The following LRP1B variants were observed in gnomAD, a reference collection of about 807,000 sequenced individuals.
LRP1B encodes the protein low-density lipoprotein receptor-related protein 1B.
A neutral mutation model predicts 556.6 loss-of-function variants in LRP1B; 217 were observed. The ratio of observed to expected loss-of-function variants is 0.39; its 90% confidence interval spans 0.35 to 0.44. LRP1B has a LOEUF of 0.44. LRP1B is among the 20% of genes least tolerant of loss of function. LRP1B has a pLI of 1.00. For missense variants in LRP1B, 5,053 were observed against 5,620.8 expected, an observed-to-expected ratio of 0.90 and a Z score of 3.23; for synonymous variants, 2,047 against 1,865.8, an observed-to-expected ratio of 1.10 and a Z score of -2.50.
intron 2 of LRP1B, among the ~76,000 whole-genome samples, chr2:141,519,390 TATATATATA>T (rs1684451011): frequency 3.8e-5 from 1 of 26,098 alleles, no homozygotes; most frequent in Non-Finnish European, 8.3e-5. Flanking sequence ...TATATATATA[TATATATATA>T]TATGAAATGC....
chr2:141,428,990 A>T (rs1354440288), intron 3 of LRP1B, among the ~76,000 whole-genome samples: 1 of 152,152 alleles, frequency 6.6e-6, no homozygotes, highest in African/African-American at 2.4e-5. Context: ...CTGATCAGGA[A>T]TCTCTCGGCA....
intron 3 of LRP1B, among the ~76,000 whole-genome samples, chr2:141,344,358 C>T (rs1220006464): frequency 1.3e-5 from 2 of 151,820 alleles, no homozygotes; most frequent in African/African-American, 4.8e-5. Flanking sequence ...CACTTTTATT[C>T]ACTTATCTGC....
intron 31 of LRP1B, among the ~76,000 whole-genome samples, chr2:140,816,313 T>C (rs1418460017): frequency 6.6e-6 from 1 of 152,140 alleles, no homozygotes; most frequent in African/African-American, 2.4e-5. Flanking sequence ...AGATGGGGTT[T>C]CACCATGTTG....
chr2:141,396,703 A>G (rs980525350), intron 3 of LRP1B, among the ~76,000 whole-genome samples: 5 of 152,204 alleles, frequency 3.3e-5, no homozygotes, highest in Non-Finnish European at 7.3e-5. Flanking sequence ...TAGGGGAAAA[A>G]CTAGGCATAT....
At chr2:141,418,379 A>C (rs1420429941) in intron 3 of LRP1B, among the ~76,000 whole-genome samples, 1 of 151,578 alleles carries the variant, frequency 6.6e-6, no homozygotes, top group Non-Finnish European at 1.5e-5. Context: ...CTTACATTTA[A>C]GTCTTTCATC....
chr2:141,130,981 AC>A (rs202044654), intron 7 of LRP1B, among the ~76,000 whole-genome samples: 8,593 of 152,174 alleles, frequency 0.056, 298 homozygotes, highest in African/African-American at 0.099. Context: ...TAATGAGAAC[AC>A]ATGGACACAG....
intron 2 of LRP1B, among the ~76,000 whole-genome samples, chr2:141,777,228 C>T (rs1052886224): frequency 1.3e-5 from 2 of 152,042 alleles, no homozygotes; most frequent in Admixed American, 6.5e-5. Flanking sequence ...TGAGGGGCAC[C>T]TTTTGACATG....
chr2:141,089,718 A>G (rs759441433), intron 7 of LRP1B, among the ~76,000 whole-genome samples: 32 of 152,314 alleles, frequency 2.1e-4, no homozygotes, highest in Non-Finnish European at 4.0e-4. Flanking sequence ...GGATATTTAT[A>G]TACTACCTCC....
chr2:140,903,866 T>C (rs546714998), intron 22 of LRP1B, among the ~76,000 whole-genome samples: 1 of 151,950 alleles, frequency 6.6e-6, no homozygotes, highest in East Asian at 1.9e-4. Flanking sequence ...GCAATAGTAT[T>C]GATTACATAG....
chr2:140,427,281 G>A (rs1685702838), intron 66 of LRP1B, among the ~76,000 whole-genome samples: 1 of 152,094 alleles, frequency 6.6e-6, no homozygotes, highest in South Asian at 2.1e-4. Context: ...TCAATTGCGA[G>A]GACGCCTGCT....
At chr2:141,200,585 A>G (rs982585933) in intron 6 of LRP1B, among the ~76,000 whole-genome samples, 2 of 152,150 alleles carry the variant, frequency 1.3e-5, no homozygotes, top group African/African-American at 4.8e-5. Flanking sequence ...TGACCAGTAG[A>G]TATTAAGAAG....
intron 2 of LRP1B, among the ~76,000 whole-genome samples, chr2:141,781,761 A>G (rs1240769575): frequency 6.6e-6 from 1 of 152,172 alleles, no homozygotes; most frequent in Non-Finnish European, 1.5e-5. Context: ...ACATGTATGC[A>G]CATTTTCCAA....
intron 6 of LRP1B, among the ~76,000 whole-genome samples, chr2:141,227,483 A>G (rs913764431): frequency 6.6e-6 from 1 of 151,898 alleles, no homozygotes; most frequent in African/African-American, 2.4e-5. Flanking sequence ...AATCACATAA[A>G]TTACATAATA....
At chr2:140,642,632 G>A (rs993692099) in intron 41 of LRP1B, among the ~76,000 whole-genome samples, 10 of 152,088 alleles carry the variant, frequency 6.6e-5, no homozygotes, top group African/African-American at 2.4e-4. Flanking sequence ...ACGAAGTCAG[G>A]AGATCGAGAC....
At chr2:140,428,969 C>G (rs1346683333) in intron 66 of LRP1B, among the ~76,000 whole-genome samples, 1 of 152,072 alleles carries the variant, frequency 6.6e-6, no homozygotes, top group Non-Finnish European at 1.5e-5. Context: ...TCATTGCCAC[C>G]CTTCTTCCCA....
At chr2:142,127,885 C>T (rs1707711022) in intron 1 of LRP1B, among the ~76,000 whole-genome samples, 2 of 151,978 alleles carry the variant, frequency 1.3e-5, no homozygotes, top group Admixed American at 1.3e-4. Context: ...GATATACTTC[C>T]TTTTAAGTTT....
intron 3 of LRP1B, among the ~76,000 whole-genome samples, chr2:141,367,724 C>T (rs1321901410): frequency 6.6e-6 from 1 of 151,788 alleles, no homozygotes; most frequent in East Asian, 1.9e-4. Context: ...CCTCATGATC[C>T]ACCCGCCTCA....
intron 11 of LRP1B, among the ~76,000 whole-genome samples, chr2:141,040,334 C>A (rs1034236020): frequency 3.9e-5 from 6 of 152,180 alleles, no homozygotes; most frequent in Admixed American, 1.3e-4. Flanking sequence ...TAAGAACACT[C>A]TAATGTAATT....
chr2:140,373,595 T>C (rs1683090798), intron 68 of LRP1B, among the ~76,000 whole-genome samples: 1 of 152,074 alleles, frequency 6.6e-6, no homozygotes, highest in Non-Finnish European at 1.5e-5. Flanking sequence ...TTTTAGGTAA[T>C]AATGAAGATT....
Sources: gnomAD v4.1 joint callset for allele counts (sites outside exome capture counted in the v4.1 genomes callset) on GRCh38, gnomAD v4.1.1 for gene constraint, MANE v1.5 for transcripts, NCBI Gene and HGNC (gene_info 2026-07-23, HGNC 2026-07-21) for gene names.